MAP4K3: variants seen among roughly 807,000 people sequenced by gnomAD.
The protein encoded by MAP4K3 is MAPK/ERK kinase kinase kinase 3.
In MAP4K3, 94 loss-of-function variants were observed where a neutral mutation model predicts 143.5. The ratio of observed to expected loss-of-function variants is 0.65; its 90% CI spans 0.55 to 0.78. The LOEUF (loss-of-function observed/expected upper bound fraction) is 0.78. MAP4K3 is among the 30% of genes least tolerant of loss of function. MAP4K3 has a pLI of 0.00. For missense variants in MAP4K3, 1,077 were observed against 1,068.1 expected (o/e 1.01, Z -0.12); for synonymous variants, 416 against 347.2 (o/e 1.20, Z -2.20).
intron 3 of MAP4K3, among the ~76,000 whole-genome samples, chr2:39,355,414 C>T (rs921784814): frequency 6.6e-6 from 1 of 150,712 alleles, no homozygotes; most frequent in South Asian, 2.1e-4. Flanking sequence ...ACCTGTGGTC[C>T]CAGCTATTCA....
intron 3 of MAP4K3, among the ~76,000 whole-genome samples, chr2:39,346,773 T>C (rs893050434): frequency 3.3e-5 from 5 of 152,192 alleles, no homozygotes; most frequent in Admixed American, 6.5e-5. Flanking sequence ...ATATTACAAA[T>C]ATTTTAAAAC....
At chr2:39,274,616 C>T (rs866638588) in intron 24 of MAP4K3, among the ~76,000 whole-genome samples, 1 of 152,144 alleles carries the variant, frequency 6.6e-6, no homozygotes, top group South Asian at 2.1e-4. Context: ...GTGAAATGAT[C>T]AGTTTAATAA....
chr2:39,374,860 A>G (rs921152449), intron 2 of MAP4K3, among the ~76,000 whole-genome samples: 2 of 152,162 alleles, frequency 1.3e-5, no homozygotes, highest in African/African-American at 4.8e-5. Flanking sequence ...CTGTAAAAAA[A>G]GGAAAAAGGA....
intron 4 of MAP4K3, among the ~76,000 whole-genome samples, chr2:39,342,777 T>C (rs780427124): frequency 6.6e-6 from 1 of 152,114 alleles, no homozygotes; most frequent in Non-Finnish European, 1.5e-5. Context: ...GTCCACAATA[T>C]TTTCTCAGAA....
At chr2:39,358,826 T>C (rs1279249370) in intron 2 of MAP4K3, among the ~76,000 whole-genome samples, 3 of 152,186 alleles carry the variant, frequency 2.0e-5, no homozygotes, top group Non-Finnish European at 4.4e-5. Flanking sequence ...AGAGGGTAAC[T>C]GCCCCCATGA....
chr2:39,434,270 A>G (rs967272956), intron 1 of MAP4K3, among the ~76,000 whole-genome samples: 3 of 152,222 alleles, frequency 2.0e-5, no homozygotes, highest in African/African-American at 7.2e-5. Context: ...AAATAAGAAA[A>G]AACTAAAACA....
chr2:39,307,221 CTCGCCAACCACAGTAGCAGAA>C (rs1370340710), intron 15 of MAP4K3, among the ~76,000 whole-genome samples: 1 of 152,090 alleles, frequency 6.6e-6, no homozygotes, highest in Non-Finnish European at 1.5e-5. Flanking sequence ...ACTTGGGGCT[CTCGCCAACCACAGTAGCAGAA>C]AGAACTATTT....
intron 6 of MAP4K3, among the ~76,000 whole-genome samples, chr2:39,334,421 G>A (rs959978549): frequency 2.1e-5 from 3 of 143,104 alleles, no homozygotes; most frequent in Non-Finnish European, 4.7e-5. Flanking sequence ...GTAAAAGACT[G>A]GCACAGGAGA....
chr2:39,343,345 G>T, intron 4 of MAP4K3, 43 bp downstream of exon 4: 2 of 1,342,494 alleles, frequency 1.5e-6, no homozygotes, highest in African/African-American at 1.5e-5. Context: ...TGTATTTTAA[G>T]AAATTCAACC....
chr2:39,350,788 G>A (rs1157230478), intron 3 of MAP4K3, among the ~76,000 whole-genome samples: 4 of 152,080 alleles, frequency 2.6e-5, no homozygotes, highest in South Asian at 4.2e-4. Context: ...AGTATGCTCA[G>A]TCCCTTAGGT....
In MAP4K3 at chr2:39,336,971, G is replaced by C; in HGVS notation, c.367-4C>G. The C allele has an allele frequency of 7.4e-7, 1 of 1,344,010 alleles. No individual in the cohort carries two copies. The highest frequency in any genetic ancestry group is 1.0e-6 in the Non-Finnish European group (1 of 965,924). The allele number at this position is 1,344,010 out of a possible 1,614,324, so 83.3% of individuals were successfully genotyped here. Reference sequence around the variant, plus strand: ...TACTGTGAAGATAATATAATCCCTGGAGTTTCAAAAAACAGAAAAATAAAC... The same window carrying C: ...TACTGTGAAGATAATATAATCCCTGCAGTTTCAAAAAACAGAAAAATAAAC... On this transcript the variant is annotated splice_region_variant and splice_polypyrimidine_tract_variant and intron_variant, in intron 5 of 33. Coordinates refer to ENST00000263881, the MANE Select transcript of MAP4K3 (RefSeq NM_003618.4).
chr2:39,253,046 T>G (rs1172696629), intron 32 of MAP4K3, among the ~76,000 whole-genome samples: 3 of 152,242 alleles, frequency 2.0e-5, no homozygotes, highest in East Asian at 1.9e-4. Flanking sequence ...AGCTGTTGAC[T>G]GTTCTTATCT....
At chr2:39,407,157 T>C (rs1251789917) in intron 1 of MAP4K3, among the ~76,000 whole-genome samples, 1 of 151,576 alleles carries the variant, frequency 6.6e-6, no homozygotes, top group Non-Finnish European at 1.5e-5. Flanking sequence ...AAAAAGTAAA[T>C]AAAATCTAAA....
In MAP4K3 at chr2:39,375,129, T is replaced by C. The variant is rs774810807; in HGVS notation, c.154+2937A>G. The stretch of plus-strand genomic sequence containing the variant: ...TAAAAATTAGCTGGGTGTCATGTCA[T>C]ACGCCTGCAGTCCTAGCTACTTGGG... On this transcript the variant is annotated intron_variant, in intron 2 of 33. Transcript: ENST00000263881. 6.6e-5 allele frequency among the ~76,000 whole-genome samples: 10 copies of C among 152,100 alleles called. No homozygotes were observed. In the East Asian group the frequency reaches 1.7e-3, roughly 26 times the overall value.
At chr2:39,393,613 G>A (rs958134323) in intron 1 of MAP4K3, among the ~76,000 whole-genome samples, 9 of 152,208 alleles carry the variant, frequency 5.9e-5, no homozygotes, top group Non-Finnish European at 1.3e-4. Flanking sequence ...CTCCCAAAGC[G>A]AGCAACAAAC....
At chr2:39,272,782 G>A (rs1681084061) in intron 24 of MAP4K3, among the ~76,000 whole-genome samples, 2 of 152,118 alleles carry the variant, frequency 1.3e-5, no homozygotes, top group Admixed American at 6.5e-5. Context: ...ATCAGCTCAA[G>A]TCTCCCTTAT....
intron 28 of MAP4K3, 95 bp from the exon 29 acceptor site, chr2:39,260,872 G>A (rs1680541462): frequency 2.6e-6 from 2 of 774,688 alleles, no homozygotes; most frequent in Non-Finnish European, 4.1e-6. Flanking sequence ...AATAAAGACT[G>A]CATCTTGTCA....
chr2:39,391,342 G>C (rs1666650444), intron 1 of MAP4K3, among the ~76,000 whole-genome samples: 1 of 97,036 alleles, frequency 1.0e-5, no homozygotes, highest in South Asian at 3.8e-4. Flanking sequence ...CTGAGCGACA[G>C]AGCAAGACTC....
intron 1 of MAP4K3, among the ~76,000 whole-genome samples, chr2:39,385,806 A>AT (rs1666490131): frequency 6.6e-6 from 1 of 151,456 alleles, no homozygotes; most frequent in African/African-American, 2.4e-5. Context: ...ATTTTTTTGT[A>AT]TTTTTAGTAG....
Sources: gnomAD v4.1 joint callset for allele counts (sites outside exome capture counted in the v4.1 genomes callset) on GRCh38, gnomAD v4.1.1 for gene constraint, MANE v1.5 for transcripts, NCBI Gene and HGNC (gene_info 2026-07-23, HGNC 2026-07-21) for gene names.